SZT2: variants seen among roughly 807,000 people sequenced by gnomAD.
SZT2 encodes the protein SZT2 subunit of KICSTOR complex, also known as KICSTOR complex protein SZT2.
Under a neutral mutation model 404.2 loss-of-function variants are expected in SZT2, and 216 were observed. That is an observed-to-expected ratio of 0.53 (90% confidence interval 0.48 to 0.60). The LOEUF (loss-of-function observed/expected upper bound fraction) is 0.60, where lower values mean the gene tolerates loss of function less well. Among genes scored for constraint, SZT2 ranks in the 20% least tolerant of loss-of-function variants. The pLI is 0.00. For missense variants in SZT2, 3,857 were observed against 4,459.2 expected, an observed-to-expected ratio of 0.86 and a Z score of 3.85; for synonymous variants, 1,693 against 1,749.9, an observed-to-expected ratio of 0.97 and a Z score of 0.81.
At chr1:43,411,805 G>A (rs1651086487) in intron 4 of SZT2, among the ~76,000 whole-genome samples, 1 of 112,800 alleles carries the variant, frequency 8.9e-6, no homozygotes, top group Non-Finnish European at 1.7e-5. Flanking sequence ...TTGAGACAGA[G>A]TCTCACTCTG....
At chr1:43,421,130 C>T (rs766764495) in intron 10 of SZT2, 44 bp from the exon 11 acceptor site, 77 of 1,597,304 alleles carry the variant, frequency 4.8e-5, no homozygotes, top group Non-Finnish European at 4.5e-5. Flanking sequence ...TCATCTGCAC[C>T]CAGCAGAGTC....
intron 4 of SZT2, among the ~76,000 whole-genome samples, chr1:43,411,565 C>T (rs1197962414): frequency 6.6e-6 from 1 of 152,192 alleles, no homozygotes; most frequent in Non-Finnish European, 1.5e-5. Context: ...TGAGATTGGG[C>T]AGGAACCAGA....
Position 43,439,274 on chromosome 1 carries a change from C to A in SZT2, c.6793-84C>A. On this transcript the variant is annotated intron_variant, in intron 48 of 71. Transcript: ENST00000634258. This position sits in a 1 kb window ranked among gnomAD's most constrained non-coding sequence, Gnocchi z 4.2. ...TCTCATGCTCCCATATCTACCTGCA[C>A]CACATTCCCCACTGTGGGCACCCAT... The A allele has an allele frequency of 3.2e-6, 5 of 1,546,376 alleles. No homozygotes were observed. Among genetic ancestry groups the A allele is most frequent in the Non-Finnish European group, 4.5e-6 (5 of 1,120,536 alleles).
chr1:43,448,165 G>C lies in SZT2; in HGVS notation c.9650G>C (p.Arg3217Thr). 6.2e-7 allele frequency: 1 copy of C among 1,611,970 alleles called. No homozygotes were observed. Among genetic ancestry groups the C allele is most frequent in the Non-Finnish European group, 8.5e-7 (1 of 1,178,696 alleles). Residue 3217 changes from arginine (R) to threonine (T), a missense_variant, in exon 69 of 72, where the codon AGA becomes ACA. By Grantham distance (71) the Arg-to-Thr change is moderately conservative. This residue lies in a region of SZT2 where 717 missense variants were observed against 868.2 expected (regional missense o/e 0.83). Transcript: ENST00000634258. The surrounding 1 kb of genome is among the most constrained non-coding windows in gnomAD (Gnocchi z 4.2). The stretch of plus-strand genomic sequence containing the variant: ...ATGCGCCGCTTCCGGAAGCCACCCA[G>C]ACTGCCCCCTGAGCCAGAGGCTCCT... Reference protein sequence around the residue: ...ADMRRFRKPPRLPPEPEAPGS... With the variant: ...ADMRRFRKPPTLPPEPEAPGS...
Position 43,441,311 on chromosome 1 carries a change from C to A in SZT2, c.7442C>A (p.Thr2481Asn), listed in dbSNP as rs775755877. 3 of 1,614,236 alleles carry A rather than the reference C, an allele frequency of 1.9e-6. No individual in the cohort carries two copies. Among genetic ancestry groups the A allele is most frequent in the Non-Finnish European group, 1.7e-6 (2 of 1,180,044 alleles). The change falls in exon 53 of 72, where the codon ACC (threonine) becomes AAC (asparagine). Residue 2481 changes from threonine (T) to asparagine (N), a missense_variant. By Grantham distance (65) the Thr-to-Asn change is moderately conservative. Coordinates refer to ENST00000634258, the MANE Select transcript of SZT2 (RefSeq NM_001365999.1). This position sits in a 1 kb window ranked among gnomAD's most constrained non-coding sequence, Gnocchi z 4.8. Reference protein sequence around the residue: ...EDTRGRRRHKTESVRTPGGAE... With the variant: ...EDTRGRRRHKNESVRTPGGAE... Reference sequence around the variant, plus strand: ...ACTCGGGGCCGGAGGCGTCACAAAACCGAGAGTGTTCGGACTCCTGGTGGA... The same window carrying A: ...ACTCGGGGCCGGAGGCGTCACAAAAACGAGAGTGTTCGGACTCCTGGTGGA...
chr1:43,404,317 TGTTTCTGCCCTCTG>T, intron 3 of SZT2, 49 bp from the exon 4 acceptor site: 1 of 1,447,580 alleles, frequency 6.9e-7, no homozygotes, highest in South Asian at 1.3e-5. Context: ...GGAAGCTGCA[TGTTTCTGCCCTCTG>T]GTTAGGGCTG....
Position 43,439,891 on chromosome 1 carries a change from G to A in SZT2, c.7053G>A (p.Gly2351=). The A allele has an allele frequency of 6.3e-7, 1 of 1,596,344 alleles. No homozygotes were observed. The highest frequency in any genetic ancestry group is 8.5e-7 in the Non-Finnish European group (1 of 1,170,882). ...CTGTTCTCCTTCCAGCTCAGAATGG[G>A]GCCCCACGGCTTCGATTGGATGTGT... ...VVVDSSSAQN[G]APRLRLDVWE... is the part of the protein sequence containing the mutation. The change falls in exon 51 of 72, where the codon GGG becomes GGA. Residue 2351 remains glycine (G), a synonymous_variant. Coordinates refer to ENST00000634258, the MANE Select transcript of SZT2 (RefSeq NM_001365999.1). The surrounding 1 kb of genome is among the most constrained non-coding windows in gnomAD (Gnocchi z 4.2).
chr1:43,392,508 G>A (rs904358453), intron 1 of SZT2, among the ~76,000 whole-genome samples: 3 of 149,888 alleles, frequency 2.0e-5, no homozygotes, highest in Non-Finnish European at 3.0e-5. Flanking sequence ...TCCGCCTCCC[G>A]GGTTCACGCC....
In SZT2 at chr1:43,440,567, G is replaced by C; in HGVS notation, c.7325G>C (p.Arg2442Pro). The C allele has an allele frequency of 6.2e-7, 1 of 1,602,286 alleles. No individual in the cohort carries two copies. Among genetic ancestry groups the C allele is most frequent in the Non-Finnish European group, 8.5e-7 (1 of 1,174,786 alleles). The change falls in exon 52 of 72, where the codon CGT (arginine) becomes CCT (proline). Residue 2442 changes from arginine to proline, a missense_variant. By Grantham distance (103) the Arg-to-Pro change is moderately radical. Around this residue, in one of 7 missense-constraint regions of SZT2, gnomAD observed 573 missense variants for 592.4 expected, o/e 0.97. Transcript: ENST00000634258. ...ACTCCACCCAGCAAAGCGGGCCGGC[G>C]TAGCTTCTGGGATATGCTGGTAATG... ...PVTPPSKAGRRSFWDMLSKTE... is the reference protein window; with the variant it reads ...PVTPPSKAGRPSFWDMLSKTE...
intron 1 of SZT2, 152 bp from the exon 2 acceptor site, chr1:43,403,025 C>T: frequency 1.3e-6 from 1 of 764,678 alleles, no homozygotes; most frequent in Non-Finnish European, 2.1e-6. Flanking sequence ...CTGGGAACAC[C>T]TTGCATGGAG....
Position 43,444,330 on chromosome 1 carries a change from C to T in SZT2, c.8825+534C>T, listed in dbSNP as rs1373526344. On this transcript the variant is annotated intron_variant, in intron 62 of 71. Transcript: ENST00000634258. ...TAGACTGGTCTTGAACTCCTCAACT[C>T]AGGTAGTCCGCCCACCTCAGCCTCC... Among the ~76,000 whole-genome samples the T allele has an allele frequency of 2.6e-5, 4 of 152,212 alleles. No homozygotes were observed. The East Asian group carries it at 7.7e-4, about 29-fold the overall frequency.
chr1:43,444,022 A>G (rs1655396984), intron 62 of SZT2, among the ~76,000 whole-genome samples: 1 of 152,208 alleles, frequency 6.6e-6, no homozygotes, highest in Non-Finnish European at 1.5e-5. Context: ...GATGACACTC[A>G]TACAAAACTG....
intron 4 of SZT2, chr1:43,405,883 G>A (rs943013806): frequency 1.3e-5 from 2 of 152,346 alleles, no homozygotes; most frequent in African/African-American, 4.8e-5. Context: ...AGCAGGTCCT[G>A]AAGACACAGA....
chr1:43,431,618 C>G, intron 35 of SZT2, 95 bp downstream of exon 35: 1 of 1,600,118 alleles, frequency 6.2e-7, no homozygotes, highest in Non-Finnish European at 8.6e-7. Flanking sequence ...AGTGAGGCCT[C>G]TCTCAGTCTG....
intron 42 of SZT2, chr1:43,435,842 G>A (rs1302793624): frequency 6.6e-6 from 1 of 152,498 alleles, no homozygotes. Flanking sequence ...CTTCTGCCTG[G>A]CCCTGTCTTG....
At chr1:43,392,802 A>C (rs1328792367) in intron 1 of SZT2, among the ~76,000 whole-genome samples, 1 of 152,218 alleles carries the variant, frequency 6.6e-6, no homozygotes, top group Non-Finnish European at 1.5e-5. Context: ...CCTGGGTGTA[A>C]TAAAGTTATT....
Position 43,439,945 on chromosome 1 carries a change from G to A in SZT2, c.7107G>A (p.Gln2369=). 3 of 1,613,898 alleles carry A rather than the reference G, an allele frequency of 1.9e-6. No homozygotes were observed. Among genetic ancestry groups the A allele is most frequent in the Non-Finnish European group, 2.5e-6 (3 of 1,179,886 alleles). The part of the protein sequence containing the change: ...VWEKGNISIV[Q]LEEKLRGAAR... ...AAAAGGGGAACATTAGTATTGTGCAGCTGGAGGAGAAACTCCGAGGAGCAG... is the reference window on the plus strand; with the variant it reads ...AAAAGGGGAACATTAGTATTGTGCAACTGGAGGAGAAACTCCGAGGAGCAG... Residue 2369 remains glutamine, a synonymous_variant, in exon 51 of 72, where the codon CAG becomes CAA. Coordinates refer to ENST00000634258, the MANE Select transcript of SZT2 (RefSeq NM_001365999.1). This position sits in a 1 kb window ranked among gnomAD's most constrained non-coding sequence, Gnocchi z 4.2.
Position 43,425,585 on chromosome 1 carries a change from T to G in SZT2, c.2757T>G (p.Pro919=). 6.2e-7 allele frequency: 1 copy of G among 1,614,192 alleles called. No individual in the cohort carries two copies. The highest frequency in any genetic ancestry group is 1.1e-5 in the South Asian group (1 of 91,080). Residue 919 remains proline (P), a synonymous_variant, in exon 19 of 72, where the codon CCT becomes CCG. Coordinates refer to ENST00000634258, the MANE Select transcript of SZT2 (RefSeq NM_001365999.1). This position sits in a 1 kb window ranked among gnomAD's most constrained non-coding sequence, Gnocchi z 4.3. ...WVEPQYGRVG[P]GPGIWKHLQD... ...AGCCACAGTATGGGCGAGTGGGACC[T>G]GGCCCTGGAATCTGGAAGCACCTCC...
intron 62 of SZT2, among the ~76,000 whole-genome samples, chr1:43,444,417 A>C (rs1007962828): frequency 6.6e-6 from 1 of 152,068 alleles, no homozygotes; most frequent in African/African-American, 2.4e-5. Flanking sequence ...AATCTTGTAC[A>C]TGCTCCTAAG....
Sources: gnomAD v4.1 joint callset for allele counts (sites outside exome capture counted in the v4.1 genomes callset) on GRCh38, gnomAD v4.1.1 for gene constraint, gnomAD v4.1.1 regional missense constraint, Gnocchi (gnomAD v3.1) non-coding constraint, MANE v1.5 for transcripts, NCBI Gene and HGNC (gene_info 2026-07-23, HGNC 2026-07-21) for gene names.